MLLT3: variants seen among roughly 807,000 people sequenced by gnomAD.
MLLT3 encodes the protein MLLT3 super elongation complex subunit.
MLLT3 carries 4 observed loss-of-function variants against 53.2 expected under a neutral mutation model. That is an observed-to-expected ratio of 0.08 (90% CI 0.04 to 0.17). The LOEUF (loss-of-function observed/expected upper bound fraction) is 0.17, where lower values mean the gene tolerates loss of function less well. Among genes scored for constraint, MLLT3 ranks in the 10% least tolerant of loss-of-function variants. The pLI, the probability that MLLT3 is intolerant of heterozygous loss-of-function variation, is 1.00. For missense variants in MLLT3, 569 were observed against 684.0 expected (o/e 0.83, Z 1.87); for synonymous variants, 283 against 230.6 (o/e 1.23, Z -2.06).
At chr9:20,591,853 G>A (rs1250930054) in intron 2 of MLLT3, among the ~76,000 whole-genome samples, 1 of 152,172 alleles carries the variant, frequency 6.6e-6, no homozygotes, top group Non-Finnish European at 1.5e-5. Context: ...GAAAGGAAGA[G>A]TGTTTTTAAG....
chr9:20,574,453 A>G (rs1819606312), intron 2 of MLLT3, among the ~76,000 whole-genome samples: 1 of 152,268 alleles, frequency 6.6e-6, no homozygotes, highest in South Asian at 2.1e-4. Context: ...ATACCACAAT[A>G]AAGAAAATCA....
At chr9:20,375,576 C>G (rs1000976786) in intron 5 of MLLT3, among the ~76,000 whole-genome samples, 2 of 150,878 alleles carry the variant, frequency 1.3e-5, no homozygotes, top group Non-Finnish European at 3.0e-5. Flanking sequence ...GGCTAGGAAC[C>G]TTGTTATTTC....
Position 20,343,172 on chromosome 9 carries a change from A to T in MLLT3, c.*3271T>A, listed in dbSNP as rs1820778287. The T allele has an allele frequency of 6.0e-6, 1 of 167,064 alleles. No individual in the cohort carries two copies. The highest frequency in any genetic ancestry group is 2.7e-5 in the African/African-American group (1 of 36,434). 10.3% of individuals were successfully genotyped at this position (167,064 alleles called of 1,614,324 possible). A position where few individuals can be genotyped will look rare whatever the true frequency, so the allele number is the denominator to read the frequency against. Reference sequence around the variant, plus strand: ...TTTTTAAAGATTAGGTGGGCCTGTAAAAGATATCGGCAAAAAAAAAAAAAA... The same window carrying T: ...TTTTTAAAGATTAGGTGGGCCTGTATAAGATATCGGCAAAAAAAAAAAAAA... On this transcript the variant is annotated 3_prime_UTR_variant, in exon 11 of 11. Coordinates refer to ENST00000380338, the MANE Select transcript of MLLT3 (RefSeq NM_004529.4).
At chr9:20,540,697 T>C (rs1333735080) in intron 2 of MLLT3, among the ~76,000 whole-genome samples, 3 of 152,208 alleles carry the variant, frequency 2.0e-5, no homozygotes, top group African/African-American at 4.8e-5. Context: ...AGGCCAGTGA[T>C]GGGAGGGGCT....
At chr9:20,364,434 T>G (rs966404087) in intron 6 of MLLT3, among the ~76,000 whole-genome samples, 1 of 152,156 alleles carries the variant, frequency 6.6e-6, no homozygotes, top group African/African-American at 2.4e-5. Context: ...TGATGAAAAA[T>G]AGATAGTTTT....
intron 2 of MLLT3, among the ~76,000 whole-genome samples, chr9:20,518,842 A>G (rs1341182102): frequency 6.6e-6 from 1 of 152,244 alleles, no homozygotes. Context: ...TATCAAGGTC[A>G]TGAAAGACAA....
chr9:20,454,302 T>G (rs955217651), intron 3 of MLLT3, among the ~76,000 whole-genome samples: 1 of 152,120 alleles, frequency 6.6e-6, no homozygotes, highest in Non-Finnish European at 1.5e-5. Flanking sequence ...GGAGTGATAC[T>G]TGCTGCCTCT....
chr9:20,417,598 C>T (rs745699860), intron 4 of MLLT3, among the ~76,000 whole-genome samples: 4 of 151,918 alleles, frequency 2.6e-5, no homozygotes, highest in African/African-American at 4.8e-5. Context: ...ACAGAGAGCA[C>T]GTGTGCATAA....
intron 2 of MLLT3, among the ~76,000 whole-genome samples, chr9:20,568,112 C>A (rs942877095): frequency 6.6e-6 from 1 of 152,010 alleles, no homozygotes; most frequent in African/African-American, 2.4e-5. Flanking sequence ...GTGTTAGAAA[C>A]TGTGATACGT....
At chr9:20,425,310 T>C (rs758790691) in intron 4 of MLLT3, among the ~76,000 whole-genome samples, 5 of 152,140 alleles carry the variant, frequency 3.3e-5, no homozygotes, top group African/African-American at 4.8e-5. Flanking sequence ...ACTCTGGACA[T>C]TCACCTTAGA....
At chr9:20,374,513 G>A (rs1821702598) in intron 5 of MLLT3, among the ~76,000 whole-genome samples, 1 of 152,046 alleles carries the variant, frequency 6.6e-6, no homozygotes, top group African/African-American at 2.4e-5. Context: ...AAAAGGTAAG[G>A]CCAAATTTAA....
chr9:20,403,995 T>C (rs2118752092), intron 5 of MLLT3, among the ~76,000 whole-genome samples: 2 of 152,102 alleles, frequency 1.3e-5, no homozygotes, highest in South Asian at 4.2e-4. Context: ...AATTTTTGTA[T>C]TTTTTTGTAG....
At chr9:20,395,895 C>G (rs1254786107) in intron 5 of MLLT3, among the ~76,000 whole-genome samples, 1 of 152,112 alleles carries the variant, frequency 6.6e-6, no homozygotes, top group East Asian at 1.9e-4. Context: ...ATCAGGTAAA[C>G]AGGATGAAGG....
chr9:20,505,545 C>G (rs1825360752), intron 2 of MLLT3, among the ~76,000 whole-genome samples: 1 of 152,098 alleles, frequency 6.6e-6, no homozygotes, highest in East Asian at 1.9e-4. Context: ...AACAAGTGGG[C>G]AGAGGATAAG....
At chr9:20,564,787 T>C (rs1819306194) in intron 2 of MLLT3, among the ~76,000 whole-genome samples, 1 of 152,186 alleles carries the variant, frequency 6.6e-6, no homozygotes, top group African/African-American at 2.4e-5. Flanking sequence ...GCCTATTAAA[T>C]AGTGCTGATT....
intron 2 of MLLT3, among the ~76,000 whole-genome samples, chr9:20,497,624 G>A (rs1825112072): frequency 2.0e-5 from 3 of 152,104 alleles, no homozygotes; most frequent in South Asian, 2.1e-4. Flanking sequence ...ATGGTGTTGG[G>A]TATCAATAGT....
chr9:20,567,986 T>TG (rs2131160502), intron 2 of MLLT3, among the ~76,000 whole-genome samples: 1 of 152,312 alleles, frequency 6.6e-6, no homozygotes, highest in East Asian at 1.9e-4. Context: ...GATGTTGACT[T>TG]GGAGTCCATG....
chr9:20,437,332 G>A (rs1205677003), intron 4 of MLLT3, among the ~76,000 whole-genome samples: 1 of 151,648 alleles, frequency 6.6e-6, no homozygotes, highest in Non-Finnish European at 1.5e-5. Context: ...AGGTAAATCA[G>A]AATAAAGGTT....
chr9:20,620,905 T>A lies in MLLT3; in HGVS notation c.13-71A>T. 1 of 1,535,700 alleles carries A rather than the reference T, an allele frequency of 6.5e-7. No homozygotes were observed. Among genetic ancestry groups the A allele is most frequent in the Non-Finnish European group, 9.0e-7 (1 of 1,114,672 alleles). On this transcript the variant is annotated intron_variant, in intron 1 of 10. Coordinates refer to ENST00000380338, the MANE Select transcript of MLLT3 (RefSeq NM_004529.4). This position sits in a 1 kb window ranked among gnomAD's most constrained non-coding sequence, Gnocchi z 6.1. ...AGGTTTCGGCAGTGAACGTTGCGCCTGACATTTTTTTCCTCCTTCTTGAAA... is the reference window on the plus strand; with the variant it reads ...AGGTTTCGGCAGTGAACGTTGCGCCAGACATTTTTTTCCTCCTTCTTGAAA...
Sources: allele counts gnomAD v4.1 joint callset (sites outside exome capture counted in the v4.1 genomes callset), GRCh38; gene constraint gnomAD v4.1.1; non-coding constraint Gnocchi (gnomAD v3.1); transcripts MANE v1.5; gene names NCBI Gene and HGNC (gene_info 2026-07-23, HGNC 2026-07-21).